The following PGAP4 variants were observed in gnomAD, a reference collection of about 807,000 sequenced individuals.
PGAP4 encodes the protein post-GPI attachment to proteins GalNAc transferase 4, also known as GPI-N-acetylgalactosamine transferase PGAP4.
In PGAP4, 12 loss-of-function variants were observed where a neutral mutation model predicts 28.2. The observed-to-expected ratio is 0.42, with a 90% CI of 0.27 to 0.69. The LOEUF (loss-of-function observed/expected upper bound fraction) is 0.69. Ranked by LOEUF, PGAP4 falls within the 30% of genes least tolerant of loss-of-function variation. The probability of loss-of-function intolerance (pLI) is 0.22; values close to 1 mark genes in which losing one functional copy is unlikely to be tolerated. For synonymous variants in PGAP4, 205 were observed against 211.8 expected (o/e 0.97, Z 0.28); for missense variants, 425 against 513.5 (o/e 0.83, Z 1.67).
intron 2 of PGAP4, among the ~76,000 whole-genome samples, chr9:101,511,749 C>T (rs1490540668): frequency 6.6e-6 from 1 of 152,090 alleles, no homozygotes; most frequent in African/African-American, 2.4e-5. Context: ...TCTGTTCTTC[C>T]TGGGATGACT....
Position 101,523,619 on chromosome 9 carries a change from C to CTTTTTTTTTTTTTTTTT in PGAP4, c.-165+7712_-165+7728dup, listed in dbSNP as rs71356369. Among the ~76,000 whole-genome samples, 218 of 59,328 alleles carry CTTTTTTTTTTTTTTTTT rather than the reference C, an allele frequency of 3.7e-3. 20 individuals are homozygous for CTTTTTTTTTTTTTTTTT. Among genetic ancestry groups the CTTTTTTTTTTTTTTTTT allele is most frequent in the Non-Finnish European group, 4.5e-3 (146 of 32,458 alleles). 38.9% of individuals were successfully genotyped at this position (59,328 alleles called of 152,430 possible). On this transcript the variant is annotated intron_variant, in intron 2 of 3. Coordinates refer to the PGAP4 transcript ENST00000374851. ...ACATTTCTCCCCTCACTTCTTGTAT[C>CTTTTTTTTTTTTTTTTT]TTTTTTTTTTTTTTTTTTTTTTTTT...
chr9:101,515,082 A>G (rs1826932098), intron 2 of PGAP4, among the ~76,000 whole-genome samples: 3 of 152,204 alleles, frequency 2.0e-5, no homozygotes, highest in Admixed American at 6.5e-5. Flanking sequence ...TACAGATTCA[A>G]AACAACACAA....
chr9:101,488,705 C>T (rs1826656847), upstream of PGAP4, among the ~76,000 whole-genome samples: 1 of 152,162 alleles, frequency 6.6e-6, no homozygotes, highest in African/African-American at 2.4e-5. Context: ...CATGTAACTA[C>T]TTACATTTTA....
intron 2 of PGAP4, among the ~76,000 whole-genome samples, chr9:101,523,861 A>G (rs1827010030): frequency 6.6e-6 from 1 of 151,648 alleles, no homozygotes; most frequent in African/African-American, 2.4e-5. Flanking sequence ...TCATTTGGGT[A>G]GGCTCTGTCA....
intron 1 of PGAP4, chr9:101,481,536 C>A (rs1040502792): frequency 6.6e-6 from 1 of 152,206 alleles, no homozygotes; most frequent in Non-Finnish European, 1.5e-5. Flanking sequence ...GAAACACAAC[C>A]CTTCCCTAAA....
At chr9:101,495,398 T>G (rs1826736435) in intron 2 of PGAP4, among the ~76,000 whole-genome samples, 1 of 135,278 alleles carries the variant, frequency 7.4e-6, no homozygotes, top group Non-Finnish European at 1.6e-5. Flanking sequence ...TGTGCTTATA[T>G]TTTATATATA....
At chr9:101,494,057 T>C (rs1182400837) in intron 2 of PGAP4, among the ~76,000 whole-genome samples, 1 of 152,072 alleles carries the variant, frequency 6.6e-6, no homozygotes, top group African/African-American at 2.4e-5. Flanking sequence ...TGTTTGAGGC[T>C]TGGAAGCCAA....
At chr9:101,525,787 A>G (rs1827031370) in intron 2 of PGAP4, among the ~76,000 whole-genome samples, 1 of 152,096 alleles carries the variant, frequency 6.6e-6, no homozygotes, top group African/African-American at 2.4e-5. Context: ...CCATTCAACA[A>G]CATATTCTTA....
intron 2 of PGAP4, among the ~76,000 whole-genome samples, chr9:101,515,790 A>G (rs1041311003): frequency 6.6e-6 from 1 of 152,172 alleles, no homozygotes; most frequent in Non-Finnish European, 1.5e-5. Context: ...CAAGAATATG[A>G]TATTTTCATA....
chr9:101,511,460 C>T (rs1476126843), intron 2 of PGAP4, among the ~76,000 whole-genome samples: 1 of 152,150 alleles, frequency 6.6e-6, no homozygotes, highest in East Asian at 1.9e-4. Flanking sequence ...TGGCTATGGA[C>T]AACAAAGTGC....
At chr9:101,522,041 C>T (rs556354681) in intron 2 of PGAP4, among the ~76,000 whole-genome samples, 4 of 152,074 alleles carry the variant, frequency 2.6e-5, no homozygotes, top group South Asian at 2.1e-4. Flanking sequence ...CTTTTGGAGT[C>T]GATGTTCAGT....
intron 1 of PGAP4, chr9:101,531,618 T>C (rs546424201): frequency 2.0e-5 from 3 of 152,348 alleles, no homozygotes; most frequent in Admixed American, 2.0e-4. Flanking sequence ...CTGATTAAAG[T>C]GTCAATTGCT....
rs554007737 is a variant in PGAP4 at position 101,522,998 on chromosome 9, C to T, written c.-165+8350G>A. 4.6e-5 allele frequency among the ~76,000 whole-genome samples: 7 copies of T among 152,192 alleles called. No homozygotes were observed. In the South Asian group the frequency reaches 6.2e-4, roughly 14 times the overall value. ...TTCCTATATGATGCTTAGCTTCACT[C>T]GACACAAAATTATTGGCTGTTAAGT... is the stretch of plus-strand genomic sequence containing the variant. On this transcript the variant is annotated intron_variant, in intron 2 of 3. Transcript: ENST00000374851.
intron 2 of PGAP4, among the ~76,000 whole-genome samples, chr9:101,528,521 C>T (rs1827055807): frequency 6.6e-6 from 1 of 152,084 alleles, no homozygotes; most frequent in Non-Finnish European, 1.5e-5. Flanking sequence ...ATGCTGTACC[C>T]CCATCCCCAA....
At chr9:101,515,827 TAA>T (rs1206321005) in intron 2 of PGAP4, among the ~76,000 whole-genome samples, 2 of 152,134 alleles carry the variant, frequency 1.3e-5, no homozygotes, top group African/African-American at 4.8e-5. Flanking sequence ...TTAAAGGATA[TAA>T]AGTTTCAGAT....
At chr9:101,523,432 G>T (rs1827005286) in intron 2 of PGAP4, among the ~76,000 whole-genome samples, 2 of 151,338 alleles carry the variant, frequency 1.3e-5, no homozygotes, top group African/African-American at 4.9e-5. Flanking sequence ...TGTTGGATTG[G>T]GTTAATTTGA....
rs1333528927 is a variant in PGAP4, at chr9:101,477,387, A to G, written c.-77-218T>C. On this transcript the variant is annotated intron_variant, in intron 1 of 1. Transcript: ENST00000374848. ...ACCTCTGGATGTTTTTATTATTTCT[A>G]TGAGTAATACGATCTCGGTGCATTC... 2.0e-5 allele frequency among the ~76,000 whole-genome samples: 3 copies of G among 152,014 alleles called. No homozygotes were observed. In the East Asian group the frequency reaches 5.8e-4, roughly 29 times the overall value.
At chr9:101,510,381 A>AT (rs1199573470) in intron 2 of PGAP4, among the ~76,000 whole-genome samples, 21 of 143,866 alleles carry the variant, frequency 1.5e-4, no homozygotes, top group Admixed American at 1.3e-3. Context: ...CGTTATGTTC[A>AT]TGTTTTTTTT....
At chr9:101,503,365 A>C (rs1214401894) in intron 2 of PGAP4, among the ~76,000 whole-genome samples, 2 of 151,840 alleles carry the variant, frequency 1.3e-5, no homozygotes, top group Non-Finnish European at 2.9e-5. Flanking sequence ...TTTTCAAGTT[A>C]CTGTTACTTT....
Sources: gnomAD v4.1 joint callset for allele counts (sites outside exome capture counted in the v4.1 genomes callset) on GRCh38, gnomAD v4.1.1 for gene constraint, MANE v1.5 for transcripts, NCBI Gene and HGNC (gene_info 2026-07-23, HGNC 2026-07-21) for gene names.